Variants in MARCHF3 observed in about 807,000 individuals in gnomAD.
MARCHF3 encodes membrane associated ring-CH-type finger 3.
Under a neutral mutation model 24.2 loss-of-function variants are expected in MARCHF3, and 13 were observed. The ratio of observed to expected loss-of-function variants is 0.54; its 90% CI spans 0.35 to 0.85. The LOEUF is 0.85. Among genes scored for constraint, MARCHF3 ranks in the 40% least tolerant of loss-of-function variants. The pLI, the probability that MARCHF3 is intolerant of heterozygous loss-of-function variation, is 0.01. For synonymous variants in MARCHF3, 144 were observed against 137.3 expected (o/e 1.05, Z -0.34); for missense variants, 276 against 325.0 (o/e 0.85, Z 1.16).
chr5:126,881,721 A>C (rs1356964319), intron 3 of MARCHF3, among the ~76,000 whole-genome samples: 1 of 152,136 alleles, frequency 6.6e-6, no homozygotes, highest in Non-Finnish European at 1.5e-5. Context: ...CTAGCAAAAT[A>C]ATAGCTATTC....
At chr5:126,956,194 T>C (rs567094861) in intron 1 of MARCHF3, among the ~76,000 whole-genome samples, 5 of 152,342 alleles carry the variant, frequency 3.3e-5, no homozygotes, top group African/African-American at 1.2e-4. Context: ...AGTCCTCAAA[T>C]TGTCCATCTG....
At chr5:126,908,316 G>A (rs941960579) in intron 3 of MARCHF3, among the ~76,000 whole-genome samples, 4 of 152,090 alleles carry the variant, frequency 2.6e-5, no homozygotes, top group African/African-American at 7.2e-5. Flanking sequence ...TGCTCTTCTC[G>A]AGGAGTATCT....
intron 3 of MARCHF3, among the ~76,000 whole-genome samples, chr5:126,902,657 C>CTT (rs1337275848): frequency 1.3e-5 from 2 of 152,082 alleles, no homozygotes; most frequent in Non-Finnish European, 2.9e-5. Flanking sequence ...TGGTGGTTTG[C>CTT]TTTTTTAATG....
Position 126,883,276 on chromosome 5 carries a change from A to G in MARCHF3, c.394-4882T>C, listed in dbSNP as rs1206666098. Among the ~76,000 whole-genome samples, 3 of 152,256 alleles carry G rather than the reference A, an allele frequency of 2.0e-5. No individual in the cohort carries two copies. The East Asian group carries it at 5.8e-4, about 29-fold the overall frequency. On this transcript the variant is annotated intron_variant, in intron 3 of 4. Transcript: ENST00000308660. ...TTTTGTGGCATTTTTCTCCTGGTGG[A>G]TCCACTCATATGGCTGCCAGGGATT...
At chr5:126,961,107 G>A (rs1031435296) in intron 1 of MARCHF3, among the ~76,000 whole-genome samples, 1 of 152,106 alleles carries the variant, frequency 6.6e-6, no homozygotes, top group Non-Finnish European at 1.5e-5. Context: ...TTCCAGCTAT[G>A]ACTTCATGTA....
chr5:126,943,065 C>T (rs1749886261), intron 1 of MARCHF3, among the ~76,000 whole-genome samples: 1 of 152,100 alleles, frequency 6.6e-6, no homozygotes. Flanking sequence ...GCGGGTGGAT[C>T]AGTTGAGGTC....
chr5:126,963,843 T>G (rs1750721760), intron 1 of MARCHF3, among the ~76,000 whole-genome samples: 1 of 152,174 alleles, frequency 6.6e-6, no homozygotes. Context: ...ATTCACATAA[T>G]TCACTGAAAT....
At chr5:126,919,670 C>G (rs1749033185) in intron 1 of MARCHF3, among the ~76,000 whole-genome samples, 1 of 152,218 alleles carries the variant, frequency 6.6e-6, no homozygotes, top group Admixed American at 6.5e-5. Flanking sequence ...ATGAAACTGA[C>G]AGTTTCCCTC....
Position 126,987,068 on chromosome 5 carries a change from A to C in MARCHF3, c.-57+43282T>G, listed in dbSNP as rs1319498464. Among the ~76,000 whole-genome samples, 5 of 152,248 alleles carry C rather than the reference A, an allele frequency of 3.3e-5. No homozygotes were observed. The East Asian group carries it at 9.6e-4, about 29-fold the overall frequency. ...TGAACAGTTACAATCATCTGAATTTAAGTCAATCAGATTACCCTCCATCAT... is the reference window on the plus strand; with the variant it reads ...TGAACAGTTACAATCATCTGAATTTCAGTCAATCAGATTACCCTCCATCAT... On this transcript the variant is annotated intron_variant, in intron 1 of 4. Coordinates refer to ENST00000308660, the MANE Select transcript of MARCHF3 (RefSeq NM_178450.5).
chr5:126,961,343 T>G (rs1272740993), intron 1 of MARCHF3, among the ~76,000 whole-genome samples: 1 of 152,118 alleles, frequency 6.6e-6, no homozygotes, highest in African/African-American at 2.4e-5. Context: ...AAAATAAAAT[T>G]TCAGAGAATC....
intron 1 of MARCHF3, among the ~76,000 whole-genome samples, chr5:126,926,515 ACT>A (rs1749301303): frequency 1.3e-5 from 2 of 152,166 alleles, no homozygotes; most frequent in African/African-American, 4.8e-5. Context: ...TGACAGATGA[ACT>A]CTCTATCATA....
At chr5:126,956,026 T>G (rs1481840665) in intron 1 of MARCHF3, among the ~76,000 whole-genome samples, 1 of 152,236 alleles carries the variant, frequency 6.6e-6, no homozygotes, top group Non-Finnish European at 1.5e-5. Context: ...AAATCACTTA[T>G]TAAATAATCC....
chr5:126,991,414 G>C (rs1751756033), intron 1 of MARCHF3, among the ~76,000 whole-genome samples: 1 of 152,152 alleles, frequency 6.6e-6, no homozygotes, highest in African/African-American at 2.4e-5. Context: ...GGGAGTCTAG[G>C]GGAGGGATAG....
chr5:126,935,647 G>C (rs1253486176), intron 1 of MARCHF3, among the ~76,000 whole-genome samples: 1 of 77,012 alleles, frequency 1.3e-5, no homozygotes, highest in African/African-American at 4.9e-5. Context: ...TTTTGCTCTT[G>C]TTGCCCAGGC....
intron 3 of MARCHF3, among the ~76,000 whole-genome samples, chr5:126,881,681 A>G (rs183371682): frequency 1.5e-4 from 23 of 152,270 alleles, no homozygotes; most frequent in Admixed American, 9.8e-4. Context: ...TATATATGTA[A>G]GACATATTTA....
At chr5:126,874,527 G>A (rs548887291) in intron 4 of MARCHF3, among the ~76,000 whole-genome samples, 7 of 151,844 alleles carry the variant, frequency 4.6e-5, no homozygotes, top group African/African-American at 9.7e-5. Flanking sequence ...CGGAGGTTGC[G>A]GTGATCTCGG....
intron 3 of MARCHF3, among the ~76,000 whole-genome samples, chr5:126,892,245 T>A (rs1406043442): frequency 6.8e-6 from 1 of 146,058 alleles, no homozygotes; most frequent in Non-Finnish European, 1.5e-5. Flanking sequence ...CAGGGACAAT[T>A]TGACTTCCTC....
chr5:126,919,041 TAATG>T (rs1257841062), intron 1 of MARCHF3, among the ~76,000 whole-genome samples: 1 of 152,058 alleles, frequency 6.6e-6, no homozygotes, highest in Non-Finnish European at 1.5e-5. Context: ...CGTGAGAAAA[TAATG>T]AATGAGATCT....
chr5:126,926,910 C>T (rs1371920652), intron 1 of MARCHF3, among the ~76,000 whole-genome samples: 2 of 152,104 alleles, frequency 1.3e-5, no homozygotes, highest in Non-Finnish European at 2.9e-5. Context: ...GGGCACCTTC[C>T]AGATCCCACC....
Sources: gnomAD v4.1 joint callset for allele counts (sites outside exome capture counted in the v4.1 genomes callset) on GRCh38, gnomAD v4.1.1 for gene constraint, MANE v1.5 for transcripts, NCBI Gene and HGNC (gene_info 2026-07-23, HGNC 2026-07-21) for gene names.